Variants in FGF8 observed in about 807,000 individuals in gnomAD.
The protein encoded by FGF8 is fibroblast growth factor 8, also known as androgen-induced growth factor.
FGF8 carries 12 observed loss-of-function variants against 29.7 expected under a neutral mutation model. The ratio of observed to expected loss-of-function variants is 0.40; its 90% CI spans 0.26 to 0.65. The LOEUF is 0.65. Ranked by LOEUF, FGF8 falls within the 30% of genes least tolerant of loss-of-function variation. The pLI, the probability that FGF8 is intolerant of heterozygous loss-of-function variation, is 0.37. For missense variants in FGF8, 271 were observed against 345.1 expected (o/e 0.79, Z 1.70); for synonymous variants, 157 against 144.4 (o/e 1.09, Z -0.63).
Position 101,770,141 on chromosome 10 carries a change from T to TAA in FGF8, c.*186_*187dup, listed in dbSNP as rs11322844. Reference sequence around the variant, plus strand: ...CAAAAATAGAGCCTCTCTTTTGTTTTAAAAAAAAAAAAAAAAAAAAAAACA... The same window carrying TAA: ...CAAAAATAGAGCCTCTCTTTTGTTTTAAAAAAAAAAAAAAAAAAAAAAAAACA... On this transcript the variant is annotated 3_prime_UTR_variant, in exon 6 of 6. Coordinates refer to ENST00000320185, the MANE Select transcript of FGF8 (RefSeq NM_033163.5). The TAA allele has an allele frequency of 0.023, 8,782 of 388,406 alleles. 74 individuals are homozygous for TAA. Among genetic ancestry groups the TAA allele is most frequent in the African/African-American group, 0.033 (1,300 of 38,900 alleles). The allele number at this position is 388,406 out of a possible 1,614,324, so 24.1% of individuals were successfully genotyped here.
Position 101,776,030 on chromosome 10 carries a change from G to A in FGF8, c.-130C>T, listed in dbSNP as rs2065087424. 2 of 382,740 alleles carry A rather than the reference G, an allele frequency of 5.2e-6. No individual in the cohort carries two copies. The highest frequency in any genetic ancestry group is 2.2e-5 in the African/African-American group (1 of 45,378). The allele number at this position is 382,740 out of a possible 1,614,324, so 23.7% of individuals were successfully genotyped here. On this transcript the variant is annotated 5_prime_UTR_variant, in exon 1 of 6. Transcript: ENST00000320185. ...GGGAGGCCGGCGGCGATCACGACGC[G>A]GCTCCGCGGGTCCCGTGGAACGTCG...
At position 101,772,026 on chromosome 10, in the gene FGF8, G is replaced by T. The variant is rs1262269380; in HGVS notation, c.338-457C>A. Among the ~76,000 whole-genome samples the T allele has an allele frequency of 6.6e-6, 1 of 152,230 alleles. No homozygotes were observed. Among genetic ancestry groups the T allele is most frequent in the Admixed American group, 6.5e-5 (1 of 15,288 alleles). On this transcript the variant is annotated intron_variant, in intron 4 of 5. Transcript: ENST00000320185. The surrounding 1 kb of genome is among the most constrained non-coding windows in gnomAD (Gnocchi z 4.4). ...TCATTACAAACACTTGGGTGAAGGGGTGACCTCCAGTCCCAAGGCCAAAGA... is the reference window on the plus strand; with the variant it reads ...TCATTACAAACACTTGGGTGAAGGGTTGACCTCCAGTCCCAAGGCCAAAGA...
intron 5 of FGF8, 37 bp from the exon 6 acceptor site, chr10:101,770,656 C>T (rs372994948): frequency 1.1e-4 from 179 of 1,600,902 alleles, no homozygotes; most frequent in Non-Finnish European, 1.4e-4. Flanking sequence ...GTTACAGAGC[C>T]CCCCCAGCAG....
upstream of FGF8, among the ~76,000 whole-genome samples, chr10:101,779,165 C>A (rs889172561): frequency 1.3e-5 from 2 of 152,220 alleles, no homozygotes; most frequent in Non-Finnish European, 2.9e-5. This position sits in a 1 kb window ranked among gnomAD's most constrained non-coding sequence, Gnocchi z 5.7. Flanking sequence ...CATCCCCCGG[C>A]CCCTCCAATC....
intron 4 of FGF8, among the ~76,000 whole-genome samples, chr10:101,773,064 C>G (rs2065045158): frequency 6.6e-6 from 1 of 152,174 alleles, no homozygotes; most frequent in Admixed American, 6.5e-5. Context: ...ATTGAGACCT[C>G]TCTGCTATTC....
In FGF8 at chr10:101,775,475, A is replaced by C. The variant is rs2065076511; in HGVS notation, c.70-259T>G. On this transcript the variant is annotated intron_variant, in intron 2 of 5. Coordinates refer to ENST00000320185, the MANE Select transcript of FGF8 (RefSeq NM_033163.5). The surrounding 1 kb of genome is among the most constrained non-coding windows in gnomAD (Gnocchi z 4.6). ...GCGGCTGGGTGTTCCCTATGCCCCC[A>C]GCCGGCGAGGATGCATGGGGGACAG... The C allele has an allele frequency of 1.5e-5, 9 of 603,014 alleles. No homozygotes were observed. In the South Asian group the frequency reaches 1.8e-4, roughly 12 times the overall value. 37.4% of individuals were successfully genotyped at this position (603,014 alleles called of 1,614,324 possible).
Position 101,775,496 on chromosome 10 carries a change from G to C in FGF8, c.69+244C>G, listed in dbSNP as rs2065076856. 1 of 606,722 alleles carries C rather than the reference G, an allele frequency of 1.6e-6. No individual in the cohort carries two copies. The highest frequency in any genetic ancestry group is 2.9e-6 in the Non-Finnish European group (1 of 342,792). The allele number at this position is 606,722 out of a possible 1,614,324, so 37.6% of individuals were successfully genotyped here. On this transcript the variant is annotated intron_variant, in intron 2 of 5. Transcript: ENST00000320185. This position sits in a 1 kb window ranked among gnomAD's most constrained non-coding sequence, Gnocchi z 4.6. The stretch of plus-strand genomic sequence containing the variant: ...CCCCAGCCGGCGAGGATGCATGGGG[G>C]ACAGTGCTGGGCTCCGAGACCTTCG...
Position 101,774,803 on chromosome 10 carries a change from G to A in FGF8, c.266C>T (p.Thr89Ile), listed in dbSNP as rs748261973. 3.7e-6 allele frequency: 6 copies of A among 1,612,938 alleles called. No individual in the cohort carries two copies. Among genetic ancestry groups the A allele is most frequent in the Non-Finnish European group, 5.1e-6 (6 of 1,180,030 alleles). Reference sequence around the variant, plus strand: ...CAGGACCTGCACGTGCTTCCCGCTGGTGCGGCTGTAGAGTTGGTAGGTCCG... The same window carrying A: ...CAGGACCTGCACGTGCTTCCCGCTGATGCGGCTGTAGAGTTGGTAGGTCCG... ...LIRTYQLYSR[T>I]SGKHVQVLAN... Residue 89 changes from threonine (T) to isoleucine (I), a missense_variant, in exon 4 of 6, where the codon ACC becomes ATC. Physicochemically the swap from Thr to Ile is moderately conservative, Grantham distance 89. Around this residue, in one of 3 missense-constraint regions of FGF8, gnomAD observed 168 missense variants for 207.0 expected, o/e 0.81. Transcript: ENST00000320185.
upstream of FGF8, among the ~76,000 whole-genome samples, chr10:101,776,412 C>T (rs1290593743): frequency 6.6e-6 from 1 of 151,452 alleles, no homozygotes; most frequent in Non-Finnish European, 1.5e-5. Context: ...CTCCCCCTAT[C>T]CCCGGCCTGT....
Position 101,775,855 on chromosome 10 carries a change from G to A in FGF8, c.32+14C>T, listed in dbSNP as rs1375652909. The A allele has an allele frequency of 4.6e-6, 7 of 1,507,616 alleles. No homozygotes were observed. Among genetic ancestry groups the A allele is most frequent in the South Asian group, 1.2e-5 (1 of 81,104 alleles). The allele number at this position is 1,507,616 out of a possible 1,614,324, so 93.4% of individuals were successfully genotyped here. On this transcript the variant is annotated intron_variant, in intron 1 of 5. Transcript: ENST00000320185. The surrounding 1 kb of genome is among the most constrained non-coding windows in gnomAD (Gnocchi z 4.6). ...CGGGGGGCGGGTGGCGGGGCAGGGC[G>A]GCGCGGTACTCACAGGCAGCTCAGC... is the stretch of plus-strand genomic sequence containing the variant.
chr10:101,777,034 C>T (rs898943919), upstream of FGF8, among the ~76,000 whole-genome samples: 6 of 152,194 alleles, frequency 3.9e-5, no homozygotes, highest in African/African-American at 1.4e-4. Flanking sequence ...GGGGAAGGGA[C>T]TTCCATCCAG....
intron 4 of FGF8, among the ~76,000 whole-genome samples, chr10:101,773,224 T>C (rs2065046837): frequency 6.6e-6 from 1 of 152,292 alleles, no homozygotes; most frequent in Admixed American, 6.5e-5. Flanking sequence ...TCCTCTGATG[T>C]CTGAAGATGA....
In FGF8 at chr10:101,770,630, G is replaced by A; in HGVS notation, c.445-11C>T. ...GCCTTTGCCGTTGCTCTGCAGGTAG[G>A]GGAGCCAGACACCACGTTACAGAGC... On this transcript the variant is annotated splice_polypyrimidine_tract_variant and intron_variant, in intron 5 of 5. Coordinates refer to ENST00000320185, the MANE Select transcript of FGF8 (RefSeq NM_033163.5). 1 of 1,606,416 alleles carries A rather than the reference G, an allele frequency of 6.2e-7. No individual in the cohort carries two copies.
intron 4 of FGF8, among the ~76,000 whole-genome samples, chr10:101,773,316 T>C (rs1445175395): frequency 6.6e-6 from 1 of 152,180 alleles, no homozygotes; most frequent in African/African-American, 2.4e-5. Context: ...GAGCAAACCC[T>C]GGAAGAGCCA....
At position 101,770,276 on chromosome 10, in the gene FGF8, C is replaced by T; in HGVS notation, c.*53G>A. 2.6e-6 allele frequency: 4 copies of T among 1,513,126 alleles called. No homozygotes were observed. The highest frequency in any genetic ancestry group is 3.6e-6 in the Non-Finnish European group (4 of 1,123,246). 93.7% of individuals were successfully genotyped at this position (1,513,126 alleles called of 1,614,324 possible). A position where few individuals can be genotyped will look rare whatever the true frequency, so the allele number is the denominator to read the frequency against. On this transcript the variant is annotated 3_prime_UTR_variant, in exon 6 of 6. Coordinates refer to ENST00000320185, the MANE Select transcript of FGF8 (RefSeq NM_033163.5). Reference sequence around the variant, plus strand: ...TCATCTTGCTTGAGTTTTGGGTGCCCTACAGGATGAGCCTCTCTGCGGTCT... The same window carrying T: ...TCATCTTGCTTGAGTTTTGGGTGCCTTACAGGATGAGCCTCTCTGCGGTCT...
Position 101,775,720 on chromosome 10 carries a change from C to T in FGF8, c.69+20G>A. On this transcript the variant is annotated intron_variant, in intron 2 of 5. Coordinates refer to ENST00000320185, the MANE Select transcript of FGF8 (RefSeq NM_033163.5). The surrounding 1 kb of genome is among the most constrained non-coding windows in gnomAD (Gnocchi z 4.6). ...TCACACCGGCGCGCCCGGCCCCCGC[C>T]TCCGCGCACCCCTCCTCACCTGGGC... 2 of 1,543,222 alleles carry T rather than the reference C, an allele frequency of 1.3e-6. No homozygotes were observed. The highest frequency in any genetic ancestry group is 1.2e-5 in the South Asian group (1 of 83,906).
upstream of FGF8, among the ~76,000 whole-genome samples, chr10:101,776,696 C>T (rs938928287): frequency 2.0e-5 from 3 of 152,118 alleles, no homozygotes; most frequent in South Asian, 2.1e-4. Flanking sequence ...CAGTGCGTGC[C>T]GGTGCCACCC....
chr10:101,775,706 CG>C lies in FGF8; in HGVS notation c.69+33del. The stretch of plus-strand genomic sequence containing the variant: ...TGCCCACCCGGGTCTCACACCGGCG[CG>C]CCCGGCCCCCGCCTCCGCGCACCCC... On this transcript the variant is annotated intron_variant, in intron 2 of 5. Coordinates refer to ENST00000320185, the MANE Select transcript of FGF8 (RefSeq NM_033163.5). This position sits in a 1 kb window ranked among gnomAD's most constrained non-coding sequence, Gnocchi z 4.6. The C allele has an allele frequency of 1.3e-6, 2 of 1,540,540 alleles. No homozygotes were observed. Among genetic ancestry groups the C allele is most frequent in the Non-Finnish European group, 1.7e-6 (2 of 1,144,572 alleles).
chr10:101,774,079 A>T (rs774729358), intron 4 of FGF8, among the ~76,000 whole-genome samples: 3 of 152,216 alleles, frequency 2.0e-5, no homozygotes, highest in African/African-American at 7.2e-5. Flanking sequence ...CTCTTGGTAC[A>T]TCCAGGACTC....
Sources: allele counts gnomAD v4.1 joint callset (sites outside exome capture counted in the v4.1 genomes callset), GRCh38; gene constraint gnomAD v4.1.1; regional missense constraint gnomAD v4.1.1; non-coding constraint Gnocchi (gnomAD v3.1); transcripts MANE v1.5; gene names NCBI Gene and HGNC (gene_info 2026-07-23, HGNC 2026-07-21).